The following F2RL2 variants were observed in gnomAD, a reference collection of about 807,000 sequenced individuals.
F2RL2 encodes coagulation factor II thrombin receptor like 2, also known as proteinase-activated receptor 3.
Under a neutral mutation model 4.3 loss-of-function variants are expected in F2RL2, and 4 were observed. The ratio of observed to expected loss-of-function variants is 0.93; its 90% confidence interval spans 0.46 to 2.12. The LOEUF (loss-of-function observed/expected upper bound fraction) is 2.12. Ranked by LOEUF, F2RL2 falls within the 30% of genes most tolerant of loss-of-function variation. The pLI, the probability that F2RL2 is intolerant of heterozygous loss-of-function variation, is 0.02. For synonymous variants in F2RL2, 166 were observed against 170.9 expected, an observed-to-expected ratio of 0.97 and a Z score of 0.22; for missense variants, 408 against 449.3, an observed-to-expected ratio of 0.91 and a Z score of 0.83.
Position 76,618,215 on chromosome 5 carries a change from G to A in F2RL2, c.492C>T (p.Val164=). 2 of 1,614,150 alleles carry A rather than the reference G, an allele frequency of 1.2e-6. No individual in the cohort carries two copies. Among genetic ancestry groups the A allele is most frequent in the African/African-American group, 2.7e-5 (2 of 75,024 alleles). Residue 164 remains valine, a synonymous_variant, in exon 2 of 2, where the codon GTC becomes GTT. Coordinates refer to ENST00000296641, the MANE Select transcript of F2RL2 (RefSeq NM_004101.4). Reference sequence around the variant, plus strand: ...AGATGACTGTGGTGGCCCGGCACAGGACCTCTCCAAATACCCAGTTGTTCC... The same window carrying A: ...AGATGACTGTGGTGGCCCGGCACAGAACCTCTCCAAATACCCAGTTGTTCC... The part of the protein sequence containing the change: ...LNGNNWVFGE[V]LCRATTVIFY...
At chr5:76,621,666 G>C (rs1046540352) in intron 1 of F2RL2, among the ~76,000 whole-genome samples, 1 of 152,172 alleles carries the variant, frequency 6.6e-6, no homozygotes, top group African/African-American at 2.4e-5. Flanking sequence ...CCTGTGTTTT[G>C]TGGAAAAGTT....
rs192306401 is a variant in F2RL2, at chr5:76,618,064, C to A, written c.643G>T (p.Gly215Ter). 2.9e-5 allele frequency: 47 copies of A among 1,614,082 alleles called. No homozygotes were observed. The African/African-American group carries it at 5.2e-4, about 18-fold the overall frequency. ...AAGAAAACTGTTGCCCACACCAGTCCACATGTTACCAAGGCATAGGTGTGC... is the reference window on the plus strand; with the variant it reads ...AAGAAAACTGTTGCCCACACCAGTCAACATGTTACCAAGGCATAGGTGTGC... ...PKHTYALVTC[G>*]LVWATVFLYM... The change falls in exon 2 of 2, where the codon GGA becomes TGA. Residue 215 changes from glycine (G) to a stop codon, truncating the protein, a stop_gained. Transcript: ENST00000296641. LOFTEE classifies it low-confidence loss of function (END_TRUNC).
rs1748900063 is a variant in F2RL2 at position 76,615,785 on chromosome 5, C to T, written c.*1797G>A. 6.6e-6 allele frequency: 1 copy of T among 152,056 alleles called. No homozygotes were observed. The highest frequency in any genetic ancestry group is 2.1e-4 in the South Asian group (1 of 4,782). The allele number at this position is 152,056 out of a possible 1,614,324, so 9.4% of individuals were successfully genotyped here. A position where few individuals can be genotyped will look rare whatever the true frequency, so the allele number is the denominator to read the frequency against. ...GTATTAATAACAAAATTCCATTTCC[C>T]CATTAAAAGCTATGTCTAAGAAAAA... On this transcript the variant is annotated 3_prime_UTR_variant, in exon 2 of 2. Transcript: ENST00000296641.
Position 76,618,152 on chromosome 5 carries a change from G to A in F2RL2, c.555C>T (p.Ala185=), listed in dbSNP as rs759882296. 3 of 1,614,052 alleles carry A rather than the reference G, an allele frequency of 1.9e-6. No individual in the cohort carries two copies. In the African/African-American group the frequency reaches 4.0e-5, roughly 22 times the overall value. Reference sequence around the variant, plus strand: ...CCAGGTAGCGGTTGATGCTGATGCAGGCAAGGAGCAGAATGGAGCAGTACA... The same window carrying A: ...CCAGGTAGCGGTTGATGCTGATGCAAGCAAGGAGCAGAATGGAGCAGTACA... ...GNMYCSILLL[A]CISINRYLAI... Residue 185 remains alanine (A), a synonymous_variant, in exon 2 of 2, where the codon GCC becomes GCT. Coordinates refer to ENST00000296641, the MANE Select transcript of F2RL2 (RefSeq NM_004101.4).
chr5:76,621,878 C>T (rs148154724), intron 1 of F2RL2, among the ~76,000 whole-genome samples: 7 of 151,978 alleles, frequency 4.6e-5, no homozygotes, highest in African/African-American at 1.7e-4. Flanking sequence ...AGAACTAATC[C>T]AAAGAGAATG....
rs528861543 is a variant in F2RL2 at position 76,615,846 on chromosome 5, C to T, written c.*1736G>A. 1 of 152,712 alleles carries T rather than the reference C, an allele frequency of 6.5e-6. No homozygotes were observed. The highest frequency in any genetic ancestry group is 2.1e-4 in the South Asian group (1 of 4,826). 9.5% of individuals were successfully genotyped at this position (152,712 alleles called of 1,614,324 possible). On this transcript the variant is annotated 3_prime_UTR_variant, in exon 2 of 2. Coordinates refer to ENST00000296641, the MANE Select transcript of F2RL2 (RefSeq NM_004101.4). ...GGCATTATTTAAAACTTCTAAATGG[C>T]CTGGTGAGTATAGTCTTAGTTTAGC...
intron 1 of F2RL2, among the ~76,000 whole-genome samples, chr5:76,621,577 T>G (rs1416946035): frequency 6.6e-6 from 1 of 152,232 alleles, no homozygotes; most frequent in Admixed American, 6.5e-5. Flanking sequence ...AAAAAGCTGT[T>G]AAAACCAAGT....
intron 1 of F2RL2, among the ~76,000 whole-genome samples, chr5:76,620,767 G>A (rs1749576904): frequency 6.6e-6 from 1 of 152,114 alleles, no homozygotes; most frequent in Admixed American, 6.5e-5. Flanking sequence ...GGAAACAAAG[G>A]AGGAAAAATC....
intron 1 of F2RL2, among the ~76,000 whole-genome samples, chr5:76,622,866 T>A (rs995102761): frequency 1.3e-5 from 2 of 152,188 alleles, no homozygotes; most frequent in Admixed American, 1.3e-4. Context: ...AGAAGAGAAA[T>A]TCTTACAAAC....
intron 1 of F2RL2, among the ~76,000 whole-genome samples, chr5:76,619,335 CAT>C: frequency 6.6e-6 from 1 of 152,200 alleles, no homozygotes; most frequent in South Asian, 2.1e-4. Flanking sequence ...CCTAAGAAAT[CAT>C]ATGTCTATTC....
intron 1 of F2RL2, among the ~76,000 whole-genome samples, chr5:76,620,729 AG>A (rs2069699): frequency 0.012 from 1,873 of 152,266 alleles, 14 homozygotes; most frequent in Non-Finnish European, 0.021. Flanking sequence ...GGTGGACTTT[AG>A]GGGTAATGAC....
intron 1 of F2RL2, among the ~76,000 whole-genome samples, chr5:76,622,150 CT>C (rs1262679624): frequency 1.3e-5 from 2 of 152,106 alleles, no homozygotes; most frequent in Non-Finnish European, 2.9e-5. Context: ...AATTCACTGC[CT>C]CTTTGTTTCC....
intron 1 of F2RL2, among the ~76,000 whole-genome samples, chr5:76,619,692 ATT>A (rs545549597): frequency 9.5e-4 from 144 of 151,608 alleles, no homozygotes; most frequent in Admixed American, 1.9e-3. Context: ...AATTTTTTGT[ATT>A]TTTTTAGTAG....
rs1471584415 is a variant in F2RL2, at chr5:76,617,067, C to G, written c.*515G>C. 6.5e-6 allele frequency: 1 copy of G among 153,316 alleles called. No homozygotes were observed. Among genetic ancestry groups the G allele is most frequent in the African/African-American group, 2.4e-5 (1 of 41,454 alleles). 9.5% of individuals were successfully genotyped at this position (153,316 alleles called of 1,614,324 possible). ...TAAAGAGCTTGAAGTAGCAATAAGG[C>G]AAATGGAAATGTCATTTTCCATAGA... On this transcript the variant is annotated 3_prime_UTR_variant, in exon 2 of 2. Coordinates refer to ENST00000296641, the MANE Select transcript of F2RL2 (RefSeq NM_004101.4).
chr5:76,622,067 C>T (rs773591312), intron 1 of F2RL2, among the ~76,000 whole-genome samples: 7 of 152,118 alleles, frequency 4.6e-5, no homozygotes, highest in Non-Finnish European at 7.4e-5. Flanking sequence ...AAAACCACAA[C>T]GAAATAAGGC....
At position 76,618,576 on chromosome 5, in the gene F2RL2, G is replaced by C. The variant is rs1749259329; in HGVS notation, c.131C>G (p.Pro44Arg). 1 of 1,614,032 alleles carries C rather than the reference G, an allele frequency of 6.2e-7. No individual in the cohort carries two copies. Among genetic ancestry groups the C allele is most frequent in the Non-Finnish European group, 8.5e-7 (1 of 1,180,018 alleles). ...GGGGAACTCTTCAAAAGAATTTGGG[G>C]GAGCTCCACGAAAGGTCTTAATGGG... ...TLPIKTFRGAPPNSFEEFPFS... is the reference protein window; with the variant it reads ...TLPIKTFRGARPNSFEEFPFS... Residue 44 changes from proline (P) to arginine (R), a missense_variant, in exon 2 of 2, where the codon CCC becomes CGC. By Grantham distance (103) the Pro-to-Arg change is moderately radical. Transcript: ENST00000296641.
In F2RL2 at chr5:76,615,754, T is replaced by C. The variant is rs1297476508; in HGVS notation, c.*1828A>G. On this transcript the variant is annotated 3_prime_UTR_variant, in exon 2 of 2. Transcript: ENST00000296641. ...AAATAGTCATTTACTTACAGGAATATAATGGGTATTAATAACAAAATTCCA... is the reference window on the plus strand; with the variant it reads ...AAATAGTCATTTACTTACAGGAATACAATGGGTATTAATAACAAAATTCCA... 2 of 83,582 alleles carry C rather than the reference T, an allele frequency of 2.4e-5. No homozygotes were observed. Among genetic ancestry groups the C allele is most frequent in the East Asian group, 5.2e-4 (2 of 3,822 alleles). 5.2% of individuals were successfully genotyped at this position (83,582 alleles called of 1,614,324 possible). A position where few individuals can be genotyped will look rare whatever the true frequency, so the allele number is the denominator to read the frequency against.
chr5:76,619,002 A>G (rs1749315396), intron 1 of F2RL2, among the ~76,000 whole-genome samples: 1 of 152,248 alleles, frequency 6.6e-6, no homozygotes, highest in Non-Finnish European at 1.5e-5. Context: ...GTCAAGGAAA[A>G]GATGAACTTG....
Position 76,618,069 on chromosome 5 carries a change from G to A in F2RL2, c.638C>T (p.Thr213Ile), listed in dbSNP as rs934208177. The A allele has an allele frequency of 6.2e-7, 1 of 1,614,018 alleles. No homozygotes were observed. The highest frequency in any genetic ancestry group is 8.5e-7 in the Non-Finnish European group (1 of 1,180,032). ...AACTGTTGCCCACACCAGTCCACATGTTACCAAGGCATAGGTGTGCTTGGG... is the reference window on the plus strand; with the variant it reads ...AACTGTTGCCCACACCAGTCCACATATTACCAAGGCATAGGTGTGCTTGGG... Reference protein sequence around the residue: ...GLPKHTYALVTCGLVWATVFL... With the variant: ...GLPKHTYALVICGLVWATVFL... The change falls in exon 2 of 2, where the codon ACA (threonine) becomes ATA (isoleucine). Residue 213 changes from threonine (T) to isoleucine (I), a missense_variant. Transcript: ENST00000296641.
Sources: allele counts gnomAD v4.1 joint callset (sites outside exome capture counted in the v4.1 genomes callset), GRCh38; gene constraint gnomAD v4.1.1; transcripts MANE v1.5; gene names NCBI Gene and HGNC (gene_info 2026-07-23, HGNC 2026-07-21).